ZFHX3: variants seen among roughly 807,000 people sequenced by gnomAD.
ZFHX3 encodes zinc finger homeobox 3.
In ZFHX3, 42 loss-of-function variants were observed where a neutral mutation model predicts 279.1. That is an observed-to-expected ratio of 0.15 (90% CI 0.12 to 0.19). ZFHX3 has a LOEUF of 0.19. Ranked by LOEUF, ZFHX3 falls within the 10% of genes least tolerant of loss-of-function variation. The probability of loss-of-function intolerance (pLI) is 1.00; values close to 1 mark genes in which losing one functional copy is unlikely to be tolerated. For synonymous variants in ZFHX3, 2,293 were observed against 1,957.8 expected, an observed-to-expected ratio of 1.17 and a Z score of -4.52; for missense variants, 4,981 against 4,754.0, an observed-to-expected ratio of 1.05 and a Z score of -1.40.
intron 1 of ZFHX3, among the ~76,000 whole-genome samples, chr16:73,749,535 T>G (rs1031073536): frequency 2.0e-5 from 3 of 152,198 alleles, no homozygotes; most frequent in African/African-American, 7.2e-5. Context: ...ATCTCTATTT[T>G]TTTGTTATTA....
At chr16:72,909,242 CT>C (rs34901567) in intron 3 of ZFHX3, among the ~76,000 whole-genome samples, 2 of 152,174 alleles carry the variant, frequency 1.3e-5, no homozygotes, top group Non-Finnish European at 2.9e-5. Flanking sequence ...GGTCAGAAAA[CT>C]TTTTCTGTAA....
chr16:73,222,555 T>G (rs1023384406), intron 5 of ZFHX3, among the ~76,000 whole-genome samples: 1 of 152,102 alleles, frequency 6.6e-6, no homozygotes, highest in African/African-American at 2.4e-5. Context: ...AAAACTTTGA[T>G]GGAAGATCAA....
chr16:73,475,254 C>T (rs1043322295), intron 2 of ZFHX3, among the ~76,000 whole-genome samples: 4 of 152,146 alleles, frequency 2.6e-5, no homozygotes, highest in African/African-American at 9.7e-5. Context: ...TTACGATATT[C>T]GTGGACTTAC....
At chr16:73,886,489 C>G (rs1250804807) in intron 1 of ZFHX3, among the ~76,000 whole-genome samples, 3 of 152,188 alleles carry the variant, frequency 2.0e-5, no homozygotes, top group Admixed American at 6.6e-5. Flanking sequence ...GAATGACGCA[C>G]ATAATAATCT....
intron 1 of ZFHX3, among the ~76,000 whole-genome samples, chr16:73,830,221 C>T (rs328364): frequency 3.6e-5 from 5 of 139,086 alleles, no homozygotes; most frequent in African/African-American, 1.4e-4. Flanking sequence ...TCCCTGACCC[C>T]TTGCGCTTCC....
At chr16:73,684,334 GTT>G (rs2053056525) in intron 1 of ZFHX3, among the ~76,000 whole-genome samples, 1 of 145,976 alleles carries the variant, frequency 6.9e-6, no homozygotes, top group African/African-American at 2.5e-5. Flanking sequence ...ATGTGTGTGT[GTT>G]TGTGTGTGTG....
chr16:73,002,261 G>T (rs992710316), intron 1 of ZFHX3, among the ~76,000 whole-genome samples: 1 of 152,098 alleles, frequency 6.6e-6, no homozygotes, highest in Non-Finnish European at 1.5e-5. Context: ...CTCTGGCCAG[G>T]AGAACTCCAT....
At chr16:72,860,131 G>C (rs1191223622) in intron 4 of ZFHX3, among the ~76,000 whole-genome samples, 2 of 152,206 alleles carry the variant, frequency 1.3e-5, no homozygotes, top group East Asian at 3.9e-4. Context: ...TCTCGTTACC[G>C]ATTATATTTT....
chr16:73,345,561 G>T (rs1461607936), intron 3 of ZFHX3, among the ~76,000 whole-genome samples: 1 of 152,092 alleles, frequency 6.6e-6, no homozygotes, highest in African/African-American at 2.4e-5. Flanking sequence ...TCCCTGCGAG[G>T]ACATGATCTC....
At chr16:73,714,214 T>C (rs1567559345) in intron 1 of ZFHX3, among the ~76,000 whole-genome samples, 2 of 152,208 alleles carry the variant, frequency 1.3e-5, no homozygotes, top group Admixed American at 1.3e-4. Flanking sequence ...GCTATTCAGA[T>C]GCAGTTGGAT....
chr16:72,977,240 G>A (rs569417737), intron 1 of ZFHX3, among the ~76,000 whole-genome samples: 1 of 152,140 alleles, frequency 6.6e-6, no homozygotes, highest in East Asian at 1.9e-4. Context: ...TGGGACCAGC[G>A]ACTTTATAAA....
intron 1 of ZFHX3, among the ~76,000 whole-genome samples, chr16:73,714,262 AT>A (rs950790853): frequency 6.6e-6 from 1 of 151,526 alleles, no homozygotes; most frequent in African/African-American, 2.4e-5. Context: ...TAATAGGTCA[AT>A]TTTTTTTTCC....
At chr16:73,070,930 GCGCGCGCGCACACA>G (rs1352120383) in intron 8 of ZFHX3, among the ~76,000 whole-genome samples, 17 of 26,932 alleles carry the variant, frequency 6.3e-4, no homozygotes, top group South Asian at 4.2e-3. Context: ...GCGCGCGCGC[GCGCGCGCGCACACA>G]CACACACACA....
rs1961419322 is a variant in ZFHX3 at position 72,959,019 on chromosome 16, T to TCCC, written c.1124_1126dup (p.Gly375dup). On this transcript the variant is annotated inframe_insertion, in exon 2 of 10. Transcript: ENST00000268489. ...GGCGGAGCCCGCTGGGAGAGCTTCC[T>TCCC]CCCCTTCCATTCGAATGCCACTAAA... The TCCC allele has an allele frequency of 6.2e-7, 1 of 1,612,600 alleles. No individual in the cohort carries two copies. The highest frequency in any genetic ancestry group is 1.7e-5 in the Admixed American group (1 of 59,778).
chr16:73,411,045 C>T (rs1021059931), intron 3 of ZFHX3, among the ~76,000 whole-genome samples: 1 of 152,156 alleles, frequency 6.6e-6, no homozygotes, highest in South Asian at 2.1e-4. Context: ...CTAGAGCTGC[C>T]GATGGCATTG....
intron 3 of ZFHX3, among the ~76,000 whole-genome samples, chr16:73,325,382 G>A (rs904860890): frequency 6.6e-6 from 1 of 152,194 alleles, no homozygotes; most frequent in Non-Finnish European, 1.5e-5. Context: ...TGGGTAAATA[G>A]CTATGGCACA....
intron 5 of ZFHX3, chr16:73,144,177 G>A (rs937073205): frequency 5.4e-6 from 1 of 185,484 alleles, no homozygotes; most frequent in South Asian, 1.1e-4. Flanking sequence ...AGAAATATTG[G>A]TAGCGGGATC....
chr16:73,801,435 G>C (rs968053023), intron 1 of ZFHX3, among the ~76,000 whole-genome samples: 2 of 152,164 alleles, frequency 1.3e-5, no homozygotes, highest in Admixed American at 6.5e-5. Context: ...TCCTCTGATA[G>C]CTACTGGTCC....
At chr16:73,250,416 T>C (rs1020087595) in intron 5 of ZFHX3, among the ~76,000 whole-genome samples, 3 of 152,262 alleles carry the variant, frequency 2.0e-5, no homozygotes, top group Admixed American at 6.5e-5. Flanking sequence ...GTAACATTTA[T>C]ATAACATAAA....
Sources: allele counts gnomAD v4.1 joint callset (sites outside exome capture counted in the v4.1 genomes callset), GRCh38; gene constraint gnomAD v4.1.1; transcripts MANE v1.5; gene names NCBI Gene and HGNC (gene_info 2026-07-23, HGNC 2026-07-21).